The following DYNC2LI1 variants were observed in gnomAD, a reference collection of about 807,000 sequenced individuals.
DYNC2LI1 encodes cytoplasmic dynein 2 light intermediate chain 1.
In DYNC2LI1, 45 loss-of-function variants were observed where a neutral mutation model predicts 51.9. The ratio of observed to expected loss-of-function variants is 0.87; its 90% confidence interval spans 0.68 to 1.11. The LOEUF is 1.11. Ranked by LOEUF, DYNC2LI1 falls within the 50% of genes most tolerant of loss-of-function variation. DYNC2LI1 has a pLI of 0.00. For missense variants in DYNC2LI1, 490 were observed against 417.4 expected, an observed-to-expected ratio of 1.17 and a Z score of -1.51; for synonymous variants, 130 against 137.8, an observed-to-expected ratio of 0.94 and a Z score of 0.40.
At chr2:43,802,049 G>T (rs1039321776) in intron 10 of DYNC2LI1, among the ~76,000 whole-genome samples, 3 of 152,142 alleles carry the variant, frequency 2.0e-5, no homozygotes, top group Non-Finnish European at 4.4e-5. Flanking sequence ...ATAGAGTAGT[G>T]AGGAAATTCA....
downstream of DYNC2LI1, among the ~76,000 whole-genome samples, chr2:43,811,701 T>A: frequency 6.6e-6 from 1 of 151,710 alleles, no homozygotes; most frequent in East Asian, 1.9e-4. Context: ...TTCAAGCGAT[T>A]CTCCTGCCTC....
the DYNC2LI1 span, among the ~76,000 whole-genome samples, chr2:43,817,600 A>G: frequency 6.6e-6 from 1 of 151,946 alleles, no homozygotes; most frequent in Admixed American, 6.6e-5. Flanking sequence ...CATAAGTTGA[A>G]AATATTCTAA....
At chr2:43,824,693 A>C in the DYNC2LI1 span, 13 of 960,470 alleles carry the variant, frequency 1.4e-5, no homozygotes, top group Admixed American at 8.0e-4. Flanking sequence ...AGTTTGTTTG[A>C]GAGAGATCCC....
At chr2:43,774,912 G>T (rs1234977439) in intron 1 of DYNC2LI1, among the ~76,000 whole-genome samples, 1 of 152,188 alleles carries the variant, frequency 6.6e-6, no homozygotes, top group Admixed American at 6.5e-5. Context: ...AAAGAATGTT[G>T]TGTAAATGAA....
At chr2:43,826,323 C>A in the DYNC2LI1 span, 4 of 1,611,436 alleles carry the variant, frequency 2.5e-6, no homozygotes, top group East Asian at 8.9e-5. Context: ...TTGCCCCTGC[C>A]CCTGTGATTC....
the DYNC2LI1 span, among the ~76,000 whole-genome samples, chr2:43,826,849 T>G: frequency 2.0e-5 from 3 of 152,288 alleles, no homozygotes; most frequent in Middle Eastern, 3.4e-3. Flanking sequence ...TCAAGTTGTT[T>G]TAAAACAAGA....
At chr2:43,805,322 A>AT in intron 12 of DYNC2LI1, 76 bp downstream of exon 12, 1 of 844,854 alleles carries the variant, frequency 1.2e-6, no homozygotes, top group Non-Finnish European at 1.9e-6. Flanking sequence ...AATTCCTTAC[A>AT]TTTTTCTCTA....
the DYNC2LI1 span, chr2:43,823,996 C>T: frequency 5.0e-6 from 8 of 1,614,200 alleles, no homozygotes; most frequent in Non-Finnish European, 5.9e-6. Flanking sequence ...CTGGATAGCA[C>T]CCTTTAGCAC....
At chr2:43,822,968 G>A in the DYNC2LI1 span, 12 of 1,612,204 alleles carry the variant, frequency 7.4e-6, no homozygotes, top group Non-Finnish European at 8.5e-6. Context: ...AGAACAGTCA[G>A]TCACCACCCA....
chr2:43,787,343 A>G (rs1673572423), intron 4 of DYNC2LI1, 93 bp downstream of exon 4: 3 of 1,064,490 alleles, frequency 2.8e-6, no homozygotes, highest in Middle Eastern at 2.1e-4. Context: ...TCTGTAATCA[A>G]TAAACATACC....
chr2:43,779,541 A>T (rs1437419216), intron 2 of DYNC2LI1, among the ~76,000 whole-genome samples: 1 of 152,192 alleles, frequency 6.6e-6, no homozygotes, highest in Non-Finnish European at 1.5e-5. Flanking sequence ...GTGTATCAGG[A>T]CTTGTACACC....
intron 12 of DYNC2LI1, among the ~76,000 whole-genome samples, chr2:43,807,568 TA>T (rs1250255600): frequency 6.6e-6 from 1 of 151,900 alleles, no homozygotes; most frequent in Non-Finnish European, 1.5e-5. Context: ...GCCTCTCAAG[TA>T]GCTGGGACTA....
At chr2:43,784,524 C>G (rs1435278918) in intron 3 of DYNC2LI1, among the ~76,000 whole-genome samples, 2 of 152,052 alleles carry the variant, frequency 1.3e-5, no homozygotes, top group African/African-American at 4.8e-5. Context: ...ACTGCAACCT[C>G]CGCCTCCTGG....
rs185997394 is a variant in DYNC2LI1 at position 43,775,123 on chromosome 2, A to G, written c.8+977A>G. ...CATATATATTTTAACAATTATGACA[A>G]TCCTATAAAGCTGATACTCTTTTTT... On this transcript the variant is annotated intron_variant, in intron 1 of 12. Coordinates refer to ENST00000260605, the MANE Select transcript of DYNC2LI1 (RefSeq NM_016008.4). Among the ~76,000 whole-genome samples, 99 of 152,336 alleles carry G rather than the reference A, an allele frequency of 6.5e-4. 2 individuals are homozygous for G. Among genetic ancestry groups the G allele is most frequent in the Non-Finnish European group, 2.2e-4 (15 of 68,028 alleles).
intron 5 of DYNC2LI1, chr2:43,792,824 C>G: frequency 1.3e-6 from 2 of 1,513,426 alleles, no homozygotes; most frequent in Non-Finnish European, 1.8e-6. Context: ...TAGTATGTGT[C>G]AGGATTTCCC....
chr2:43,794,269 G>C, intron 5 of DYNC2LI1, 188 bp from the exon 6 acceptor site: 1 of 546,310 alleles, frequency 1.8e-6, no homozygotes, highest in Non-Finnish European at 3.1e-6. Context: ...AATATTACTA[G>C]AGGAAAGTAT....
At chr2:43,822,694 C>T in the DYNC2LI1 span, 1 of 1,416,326 alleles carries the variant, frequency 7.1e-7, no homozygotes, top group Non-Finnish European at 9.3e-7. Context: ...AGTGTAGATC[C>T]TCCAGAGCAG....
At chr2:43,817,528 C>A in the DYNC2LI1 span, among the ~76,000 whole-genome samples, 1 of 151,816 alleles carries the variant, frequency 6.6e-6, no homozygotes, top group Non-Finnish European at 1.5e-5. Flanking sequence ...CAACTAACCT[C>A]CTTTTCCTAA....
At chr2:43,800,957 T>G (rs1364390228) in intron 9 of DYNC2LI1, 40 bp downstream of exon 9, 4 of 1,364,784 alleles carry the variant, frequency 2.9e-6, no homozygotes, top group African/African-American at 1.5e-5. Context: ...ATTGAGTGAT[T>G]GATTTAGCCA....
Sources: gnomAD v4.1 joint callset for allele counts (sites outside exome capture counted in the v4.1 genomes callset) on GRCh38, gnomAD v4.1.1 for gene constraint, MANE v1.5 for transcripts, NCBI Gene and HGNC (gene_info 2026-07-23, HGNC 2026-07-21) for gene names.